ALDH1A2: variants seen among roughly 807,000 people sequenced by gnomAD.
ALDH1A2 encodes retinal dehydrogenase 2.
In ALDH1A2, 27 loss-of-function variants were observed where a neutral mutation model predicts 60.3. The ratio of observed to expected loss-of-function variants is 0.45; its 90% CI spans 0.33 to 0.62. The LOEUF (loss-of-function observed/expected upper bound fraction) is 0.62. ALDH1A2 is among the 20% of genes least tolerant of loss of function. ALDH1A2 has a pLI of 0.02. For missense variants in ALDH1A2, 581 were observed against 643.8 expected, an observed-to-expected ratio of 0.90 and a Z score of 1.06; for synonymous variants, 289 against 232.4, an observed-to-expected ratio of 1.24 and a Z score of -2.21.
At chr15:58,059,798 T>C (rs1651438457) in intron 1 of ALDH1A2, among the ~76,000 whole-genome samples, 1 of 152,212 alleles carries the variant, frequency 6.6e-6, no homozygotes, top group African/African-American at 2.4e-5. Flanking sequence ...AAACGCAGTG[T>C]AAATATATAA....
chr15:57,999,385 T>C (rs748849523), intron 4 of ALDH1A2, among the ~76,000 whole-genome samples: 15 of 151,730 alleles, frequency 9.9e-5, no homozygotes, highest in South Asian at 2.1e-4. Context: ...CAAAAGGACA[T>C]GAACAGACAC....
rs374253625 is a variant in ALDH1A2 at position 58,049,610 on chromosome 15, T to C, written c.117+15924A>G. On this transcript the variant is annotated intron_variant, in intron 1 of 12. Transcript: ENST00000249750. ...ACTTTGCTAAACCAGCAGAGACAGATAGGGTGGGGAAAGAGGTAAAGATGG... is the reference window on the plus strand; with the variant it reads ...ACTTTGCTAAACCAGCAGAGACAGACAGGGTGGGGAAAGAGGTAAAGATGG... Among the ~76,000 whole-genome samples the C allele has an allele frequency of 1.2e-4, 18 of 152,106 alleles. No homozygotes were observed. The South Asian group carries it at 1.5e-3, about 12-fold the overall frequency.
chr15:58,003,985 A>T lies in ALDH1A2; in HGVS notation c.493+6664T>A, dbSNP rs113771918. The stretch of plus-strand genomic sequence containing the variant: ...AGGAAACAACATCAAGACTCTTGTG[A>T]ATCAAACTAGTATTGCATAATTGTG... On this transcript the variant is annotated intron_variant, in intron 4 of 12. Transcript: ENST00000249750. Among the ~76,000 whole-genome samples, 1,322 of 152,016 alleles carry T rather than the reference A, an allele frequency of 8.7e-3. 19 individuals are homozygous for T. Among genetic ancestry groups the T allele is most frequent in the African/African-American group, 0.03 (1,255 of 41,532 alleles).
intron 4 of ALDH1A2, among the ~76,000 whole-genome samples, chr15:58,007,768 C>T (rs773226816): frequency 1.7e-4 from 26 of 149,406 alleles, no homozygotes; most frequent in Middle Eastern, 3.4e-3. Context: ...TAAAGACTAA[C>T]GGACTTTCTA....
intron 7 of ALDH1A2, among the ~76,000 whole-genome samples, chr15:57,975,025 A>C (rs1369000791): frequency 6.6e-6 from 1 of 152,244 alleles, no homozygotes; most frequent in Non-Finnish European, 1.5e-5. Context: ...AATGCTATAT[A>C]CCTATTTGAA....
intron 8 of ALDH1A2, 80 bp downstream of exon 8, chr15:57,965,645 G>A (rs1445970474): frequency 3.9e-6 from 4 of 1,018,308 alleles, no homozygotes; most frequent in Admixed American, 1.7e-5. Context: ...TTTTGCTAGT[G>A]TCCCATCAAA....
chr15:58,010,531 A>T, intron 4 of ALDH1A2, 118 bp downstream of exon 4: 1 of 1,373,472 alleles, frequency 7.3e-7, no homozygotes, highest in Non-Finnish European at 1.0e-6. Context: ...ACTCAGTTCT[A>T]ACTGCTGTAA....
intron 1 of ALDH1A2, among the ~76,000 whole-genome samples, chr15:58,062,961 A>G (rs1897081357): frequency 6.6e-6 from 1 of 152,228 alleles, no homozygotes; most frequent in African/African-American, 2.4e-5. Context: ...CTGGACCTCT[A>G]GCAGGCAAAG....
chr15:58,058,170 C>T, intron 1 of ALDH1A2: 2 of 1,157,742 alleles, frequency 1.7e-6, no homozygotes, highest in Non-Finnish European at 1.2e-6. Flanking sequence ...ATAATTTCAC[C>T]TTCCCAGGCA....
chr15:57,964,337 T>C (rs1186951439), intron 8 of ALDH1A2: 1 of 452,914 alleles, frequency 2.2e-6, no homozygotes, highest in African/African-American at 2.0e-5. Flanking sequence ...CAAACCCCTA[T>C]ATACCACAGG....
At chr15:58,063,854 A>T (rs1308234036) in intron 1 of ALDH1A2, among the ~76,000 whole-genome samples, 1 of 152,216 alleles carries the variant, frequency 6.6e-6, no homozygotes, top group Non-Finnish European at 1.5e-5. Context: ...TCCCCGAGCT[A>T]AAAGACTCCA....
chr15:57,992,061 A>C (rs535685045), intron 7 of ALDH1A2, among the ~76,000 whole-genome samples: 1 of 152,304 alleles, frequency 6.6e-6, no homozygotes, highest in Admixed American at 6.5e-5. Flanking sequence ...AGAAACAATA[A>C]AAAGATTAGC....
intron 1 of ALDH1A2, among the ~76,000 whole-genome samples, chr15:58,063,196 C>A (rs560320520): frequency 6.6e-6 from 1 of 152,306 alleles, no homozygotes; most frequent in East Asian, 1.9e-4. Flanking sequence ...TACAGAAAGT[C>A]ATATCCTTCA....
At chr15:58,015,182 T>G (rs1200214101) in intron 1 of ALDH1A2, among the ~76,000 whole-genome samples, 1 of 152,218 alleles carries the variant, frequency 6.6e-6, no homozygotes, top group Non-Finnish European at 1.5e-5. Flanking sequence ...GTGAAATTTC[T>G]GAACTTATGA....
At chr15:57,987,755 G>A (rs1894753469) in intron 7 of ALDH1A2, among the ~76,000 whole-genome samples, 1 of 151,762 alleles carries the variant, frequency 6.6e-6, no homozygotes. Context: ...CATGGTAGCG[G>A]GTGCCTGTAG....
rs1339220627 is a variant in ALDH1A2, at chr15:57,983,508, G to A, written c.798+9197C>T. 2.6e-5 allele frequency among the ~76,000 whole-genome samples: 4 copies of A among 152,174 alleles called. No homozygotes were observed. The South Asian group carries it at 6.2e-4, about 24-fold the overall frequency. On this transcript the variant is annotated intron_variant, in intron 7 of 12. Coordinates refer to ENST00000249750, the MANE Select transcript of ALDH1A2 (RefSeq NM_003888.4). ...TATTAACAACTGTGGAATTAAGATG[G>A]AGAATTATCTTTTTCTTAAAATACT...
At chr15:57,984,492 C>T (rs1343696572) in intron 7 of ALDH1A2, among the ~76,000 whole-genome samples, 1 of 152,032 alleles carries the variant, frequency 6.6e-6, no homozygotes, top group African/African-American at 2.4e-5. Flanking sequence ...ACATAAATAC[C>T]CCAAAAAGAT....
intron 1 of ALDH1A2, among the ~76,000 whole-genome samples, chr15:58,051,536 T>A (rs750783551): frequency 5.9e-5 from 9 of 152,092 alleles, no homozygotes; most frequent in Non-Finnish European, 1.2e-4. Context: ...TCAGTTCTGC[T>A]AAGAAATACC....
chr15:57,968,226 A>C (rs1259223482), intron 7 of ALDH1A2, among the ~76,000 whole-genome samples: 1 of 152,208 alleles, frequency 6.6e-6, no homozygotes, highest in African/African-American at 2.4e-5. Flanking sequence ...TTATTCATTA[A>C]ATTAAACCAG....
Sources: allele counts gnomAD v4.1 joint callset (sites outside exome capture counted in the v4.1 genomes callset), GRCh38; gene constraint gnomAD v4.1.1; transcripts MANE v1.5; gene names NCBI Gene and HGNC (gene_info 2026-07-23, HGNC 2026-07-21).